The following CX3CR1 variants were observed in gnomAD, a reference collection of about 807,000 sequenced individuals.
CX3CR1 encodes the protein CX3C chemokine receptor 1.
For synonymous variants in CX3CR1, 168 were observed against 178.5 expected, an observed-to-expected ratio of 0.94 and a Z score of 0.47; for missense variants, 363 against 432.4, an observed-to-expected ratio of 0.84 and a Z score of 1.42.
upstream of CX3CR1, among the ~76,000 whole-genome samples, chr3:39,282,446 A>G (rs1218563881): frequency 6.6e-6 from 1 of 152,204 alleles, no homozygotes; most frequent in African/African-American, 2.4e-5. Context: ...GTCATTCTGC[A>G]TTTCTCTTCC....
chr3:39,278,535 G>A (rs1454785993), intron 1 of CX3CR1, among the ~76,000 whole-genome samples: 1 of 151,462 alleles, frequency 6.6e-6, no homozygotes, highest in East Asian at 1.9e-4. Context: ...GATGCCCTGA[G>A]CAATGCAAGC....
chr3:39,272,013 G>A (rs1367748895), intron 1 of CX3CR1, among the ~76,000 whole-genome samples: 1 of 152,188 alleles, frequency 6.6e-6, no homozygotes, highest in Non-Finnish European at 1.5e-5. Flanking sequence ...ATCTTAGACT[G>A]GACCATGGCT....
intron 1 of CX3CR1, among the ~76,000 whole-genome samples, chr3:39,278,261 C>G (rs1277428524): frequency 6.6e-6 from 1 of 152,206 alleles, no homozygotes; most frequent in Non-Finnish European, 1.5e-5. Flanking sequence ...AGCCTGAGCA[C>G]TAAGAAGAAC....
rs746706897 is a variant in CX3CR1 at position 39,265,508 on chromosome 3, A to G, written c.1002T>C (p.His334=). ...TAAAATTGCTGCTCAGAACACTTCC[A>G]TGCCTGCTCCTTTGTGATTCAGATG... ...FSSSESQRSR[H]GSVLSSNFTY... Residue 334 remains histidine, a synonymous_variant, in exon 2 of 2, where the codon CAT becomes CAC. Transcript: ENST00000399220. The G allele has an allele frequency of 5.6e-6, 9 of 1,614,214 alleles. No homozygotes were observed. Among genetic ancestry groups the G allele is most frequent in the Non-Finnish European group, 7.6e-6 (9 of 1,180,040 alleles).
At chr3:39,284,249 C>T (rs910851262), upstream of CX3CR1, among the ~76,000 whole-genome samples, 3 of 152,106 alleles carry the variant, frequency 2.0e-5, no homozygotes, top group Admixed American at 6.5e-5. Flanking sequence ...CTGAGGTCCG[C>T]CTCCTGGGTT....
At chr3:39,286,543 C>T (rs1182167902), upstream of CX3CR1, 1 of 146,700 alleles carries the variant, frequency 6.8e-6, no homozygotes, top group African/African-American at 2.5e-5. Context: ...CCCAGCTACT[C>T]GGGAGGCTGA....
Position 39,265,995 on chromosome 3 carries a change from T to C in CX3CR1, c.515A>G (p.Glu172Gly). The C allele has an allele frequency of 1.2e-6, 2 of 1,614,214 alleles. No individual in the cohort carries two copies. Among genetic ancestry groups the C allele is most frequent in the Non-Finnish European group, 1.7e-6 (2 of 1,180,048 alleles). ...APQFMFTKQK[E>G]NECLGDYPEV... ...GGGGTAGTCACCAAGGCATTCATTT[T>C]CTTTCTGCTTTGTGAACATGAACTG... is the stretch of plus-strand genomic sequence containing the variant. The change falls in exon 2 of 2, where the codon GAA becomes GGA. Residue 172 changes from glutamate (E) to glycine (G), a missense_variant. Glu to Gly is a moderately conservative substitution (Grantham distance 98). Coordinates refer to ENST00000399220, the MANE Select transcript of CX3CR1 (RefSeq NM_001337.4).
chr3:39,272,032 T>C lies in CX3CR1; in HGVS notation c.-9-5514A>G, dbSNP rs35386948. 1.1e-3 allele frequency among the ~76,000 whole-genome samples: 162 copies of C among 152,310 alleles called. 4 individuals carry two copies. The South Asian group carries it at 0.024, about 23-fold the overall frequency. ...TAGACTGGACCATGGCTTTCCTTTG[T>C]CCCTGAGGGACACTAGAAACCAAGT... On this transcript the variant is annotated intron_variant, in intron 1 of 1. Transcript: ENST00000399220.
chr3:39,283,838 T>C (rs1368263606), upstream of CX3CR1, among the ~76,000 whole-genome samples: 1 of 114,084 alleles, frequency 8.8e-6, no homozygotes. Flanking sequence ...TATATATATA[T>C]ATAATGTGGT....
chr3:39,291,838 A>G, the CX3CR1 span, among the ~76,000 whole-genome samples: 2 of 152,230 alleles, frequency 1.3e-5, no homozygotes, highest in South Asian at 4.1e-4. Flanking sequence ...ACCTACATGC[A>G]GTGTTTGGCC....
At chr3:39,269,291 G>A (rs939685412) in intron 1 of CX3CR1, among the ~76,000 whole-genome samples, 4 of 152,222 alleles carry the variant, frequency 2.6e-5, no homozygotes, top group African/African-American at 9.6e-5. Context: ...TGGTGGAGTG[G>A]CAGAGGGGTC....
chr3:39,291,437 C>A, the CX3CR1 span, among the ~76,000 whole-genome samples: 1 of 152,168 alleles, frequency 6.6e-6, no homozygotes, highest in Non-Finnish European at 1.5e-5. Context: ...TGTGACCATA[C>A]GCTCCCTCTT....
intron 1 of CX3CR1, among the ~76,000 whole-genome samples, chr3:39,278,019 C>T (rs56035529): frequency 0.065 from 9,938 of 152,298 alleles, 444 homozygotes; most frequent in Non-Finnish European, 0.1. Flanking sequence ...GGACAATCTC[C>T]ATTTTAAAAG....
At chr3:39,275,921 CAA>C (rs5848496) in intron 1 of CX3CR1, among the ~76,000 whole-genome samples, 31,818 of 140,590 alleles carry the variant, frequency 0.23, 3,399 homozygotes, top group African/African-American at 0.28. Flanking sequence ...GAGGATATCA[CAA>C]AAAAAAAAAA....
upstream of CX3CR1, among the ~76,000 whole-genome samples, chr3:39,285,649 T>C (rs1396009083): frequency 6.6e-6 from 1 of 152,200 alleles, no homozygotes; most frequent in Admixed American, 6.5e-5. Flanking sequence ...CTTAAAAATA[T>C]CTGTCTGCAG....
At chr3:39,281,581 G>A (rs754347819), upstream of CX3CR1, 47 of 1,584,536 alleles carry the variant, frequency 3.0e-5, 1 homozygote, top group African/African-American at 2.8e-4. Flanking sequence ...AACCTTCTCC[G>A]TTCTCTGTCT....
chr3:39,272,961 G>T (rs1173102416), intron 1 of CX3CR1, among the ~76,000 whole-genome samples: 1 of 152,220 alleles, frequency 6.6e-6, no homozygotes, highest in Non-Finnish European at 1.5e-5. Context: ...GAGAAATGAT[G>T]ATCCCCATGG....
At chr3:39,280,244 C>G (rs1391305898), upstream of CX3CR1, 7 of 985,678 alleles carry the variant, frequency 7.1e-6, no homozygotes, top group Non-Finnish European at 7.2e-6. Flanking sequence ...AGAGGTGCCA[C>G]TTACCCCAAC....
intron 1 of CX3CR1, among the ~76,000 whole-genome samples, chr3:39,274,421 C>T (rs2040815287): frequency 6.8e-6 from 1 of 147,676 alleles, no homozygotes; most frequent in Admixed American, 6.9e-5. Flanking sequence ...ATGGCATTGT[C>T]TACCCACCAG....
Sources: allele counts gnomAD v4.1 joint callset (sites outside exome capture counted in the v4.1 genomes callset), GRCh38; gene constraint gnomAD v4.1.1; transcripts MANE v1.5; gene names NCBI Gene and HGNC (gene_info 2026-07-23, HGNC 2026-07-21).